CAMKMT: variants seen among roughly 807,000 people sequenced by gnomAD.
CAMKMT encodes CaM KMT.
In CAMKMT, 53 loss-of-function variants were observed where a neutral mutation model predicts 48.0. That is an observed-to-expected ratio of 1.10 (90% CI 0.89 to 1.39). CAMKMT has a LOEUF of 1.39. CAMKMT is among the 40% of genes most tolerant of loss of function. The probability of loss-of-function intolerance (pLI) is 0.00; values close to 1 mark genes in which losing one functional copy is unlikely to be tolerated. For missense variants in CAMKMT, 428 were observed against 402.7 expected, an observed-to-expected ratio of 1.06 and a Z score of -0.54; for synonymous variants, 165 against 152.3, an observed-to-expected ratio of 1.08 and a Z score of -0.61.
At position 44,646,129 on chromosome 2, in the gene CAMKMT, G is replaced by A. The variant is rs114836691; in HGVS notation, c.377-58154G>A. Among the ~76,000 whole-genome samples the A allele has an allele frequency of 9.6e-3, 1,463 of 152,232 alleles. 13 individuals carry two copies. The highest frequency in any genetic ancestry group is 0.015 in the Non-Finnish European group (1,007 of 68,004). The stretch of plus-strand genomic sequence containing the variant: ...AGCTTCGTGCTGGTGAACATTAATA[G>A]AGCTATAATAGTCTGCCAAAATTAT... On this transcript the variant is annotated intron_variant, in intron 3 of 10. Coordinates refer to ENST00000378494, the MANE Select transcript of CAMKMT (RefSeq NM_024766.5).
At chr2:44,520,024 A>T (rs182978533) in intron 3 of CAMKMT, among the ~76,000 whole-genome samples, 1,595 of 150,798 alleles carry the variant, frequency 0.011, 9 homozygotes, top group Non-Finnish European at 0.016. Flanking sequence ...ATCCTGGCTA[A>T]CACGGTGAAA....
At chr2:44,757,233 C>A (rs1014478651) in intron 9 of CAMKMT, among the ~76,000 whole-genome samples, 1 of 152,168 alleles carries the variant, frequency 6.6e-6, no homozygotes, top group African/African-American at 2.4e-5. Context: ...GAGTTCCAGG[C>A]CTAGTGTGGC....
At chr2:44,453,065 C>T (rs1199185645) in intron 3 of CAMKMT, among the ~76,000 whole-genome samples, 1 of 152,004 alleles carries the variant, frequency 6.6e-6, no homozygotes, top group African/African-American at 2.4e-5. Context: ...GTGATGCTTC[C>T]AGTTAACAAC....
At chr2:44,755,369 TC>T (rs201374530) in intron 9 of CAMKMT, among the ~76,000 whole-genome samples, 343 of 152,142 alleles carry the variant, frequency 2.3e-3, no homozygotes, top group Admixed American at 5.4e-3. Context: ...GGTTTCAGCA[TC>T]CCCCCACCCC....
chr2:44,466,429 C>A (rs1486348754), intron 3 of CAMKMT, among the ~76,000 whole-genome samples: 4 of 152,126 alleles, frequency 2.6e-5, no homozygotes, highest in Non-Finnish European at 5.9e-5. Flanking sequence ...TGAACAACCA[C>A]TGTGTCAAAA....
intron 3 of CAMKMT, among the ~76,000 whole-genome samples, chr2:44,527,564 C>A (rs1395760910): frequency 1.3e-5 from 2 of 150,640 alleles, no homozygotes; most frequent in Non-Finnish European, 3.0e-5. Flanking sequence ...AATGTCAAAT[C>A]TTTAATATCC....
intron 8 of CAMKMT, among the ~76,000 whole-genome samples, chr2:44,753,405 CAAAAAAA>C (rs201960068): frequency 4.6e-5 from 3 of 65,730 alleles, no homozygotes; most frequent in Admixed American, 2.8e-4. Flanking sequence ...GTCTCAGAAA[CAAAAAAA>C]AAAAAAGAAA....
chr2:44,503,853 G>T (rs1028974176), intron 3 of CAMKMT, among the ~76,000 whole-genome samples: 3 of 152,006 alleles, frequency 2.0e-5, no homozygotes, highest in African/African-American at 7.3e-5. Flanking sequence ...TTCTGTTCTT[G>T]CTGAGTTCGT....
intron 3 of CAMKMT, among the ~76,000 whole-genome samples, chr2:44,492,524 A>G (rs891854185): frequency 6.4e-4 from 98 of 152,290 alleles, no homozygotes; most frequent in African/African-American, 2.2e-3. Flanking sequence ...CAATGTAGGT[A>G]AGGTGTTTTG....
chr2:44,378,485 T>C (rs1286858799), intron 2 of CAMKMT, among the ~76,000 whole-genome samples: 1 of 151,352 alleles, frequency 6.6e-6, no homozygotes, highest in Non-Finnish European at 1.5e-5. Flanking sequence ...TGTTTGTTTG[T>C]TTGTTTGTTT....
At chr2:44,467,551 C>CAA (rs201565868) in intron 3 of CAMKMT, among the ~76,000 whole-genome samples, 5 of 139,910 alleles carry the variant, frequency 3.6e-5, no homozygotes, top group African/African-American at 1.3e-4. Context: ...GAAAAAAAAA[C>CAA]AAAAAAAAAC....
intron 3 of CAMKMT, among the ~76,000 whole-genome samples, chr2:44,462,799 TTAATC>T (rs1667916364): frequency 6.6e-6 from 1 of 152,208 alleles, no homozygotes; most frequent in South Asian, 2.1e-4. Flanking sequence ...CTTAATTCTC[TTAATC>T]TAAAGATTTC....
intron 3 of CAMKMT, among the ~76,000 whole-genome samples, chr2:44,695,824 C>T (rs552386960): frequency 3.3e-5 from 5 of 151,686 alleles, no homozygotes; most frequent in South Asian, 2.1e-4. Context: ...GCTCGGAAAT[C>T]GGTGGCATCA....
At chr2:44,532,860 T>A (rs1666564730) in intron 3 of CAMKMT, among the ~76,000 whole-genome samples, 1 of 151,964 alleles carries the variant, frequency 6.6e-6, no homozygotes, top group African/African-American at 2.4e-5. Context: ...TCACCCAGGC[T>A]GGAGTACAGT....
chr2:44,707,348 A>G (rs1306977145), intron 5 of CAMKMT, 51 bp from the exon 6 acceptor site: 2 of 1,546,448 alleles, frequency 1.3e-6, no homozygotes, highest in Non-Finnish European at 1.8e-6. Flanking sequence ...TCACTTCCAC[A>G]CAGACAAGCA....
intron 3 of CAMKMT, among the ~76,000 whole-genome samples, chr2:44,434,312 G>A (rs1246456076): frequency 1.3e-5 from 2 of 152,042 alleles, no homozygotes; most frequent in Non-Finnish European, 2.9e-5. Flanking sequence ...TGAAGCACAG[G>A]AAGTGCATCC....
chr2:44,531,233 AAG>A (rs1470973950), intron 3 of CAMKMT, among the ~76,000 whole-genome samples: 2 of 152,108 alleles, frequency 1.3e-5, no homozygotes, highest in African/African-American at 4.8e-5. Flanking sequence ...CCCAATTCTT[AAG>A]AGGTTGCCTT....
chr2:44,520,787 TG>T (rs1406764654), intron 3 of CAMKMT, among the ~76,000 whole-genome samples: 1 of 152,178 alleles, frequency 6.6e-6, no homozygotes, highest in Non-Finnish European at 1.5e-5. Context: ...AATTGGATCA[TG>T]GGGGCAGTTC....
At chr2:44,538,523 T>C (rs1282974445) in intron 3 of CAMKMT, among the ~76,000 whole-genome samples, 1 of 152,094 alleles carries the variant, frequency 6.6e-6, no homozygotes, top group African/African-American at 2.4e-5. Context: ...AACTCAGGAA[T>C]GGAAAACCAA....
Sources: gnomAD v4.1 joint callset for allele counts (sites outside exome capture counted in the v4.1 genomes callset) on GRCh38, gnomAD v4.1.1 for gene constraint, MANE v1.5 for transcripts, NCBI Gene and HGNC (gene_info 2026-07-23, HGNC 2026-07-21) for gene names.